JAK3: variants seen among roughly 807,000 people sequenced by gnomAD.
JAK3 encodes Janus kinase 3, also known as tyrosine-protein kinase JAK3.
In JAK3, 88 loss-of-function variants were observed where a neutral mutation model predicts 120.8. That is an observed-to-expected ratio of 0.73 (90% CI 0.61 to 0.87). The LOEUF (loss-of-function observed/expected upper bound fraction) is 0.87. Among genes scored for constraint, JAK3 ranks in the 40% least tolerant of loss-of-function variants. The pLI is 0.00. For missense variants in JAK3, 1,254 were observed against 1,501.4 expected (o/e 0.84, Z 2.72); for synonymous variants, 592 against 628.6 (o/e 0.94, Z 0.87).
intron 1 of JAK3, among the ~76,000 whole-genome samples, chr19:17,846,309 G>T (rs750579759): frequency 6.6e-6 from 1 of 152,086 alleles, no homozygotes; most frequent in African/African-American, 2.4e-5. Flanking sequence ...ATCAACAAAC[G>T]CCTGTTAAAC....
intron 10 of JAK3, 159 bp downstream of exon 10, chr19:17,839,318 T>C (rs1052882900): frequency 1.4e-6 from 1 of 735,768 alleles, no homozygotes; most frequent in East Asian, 2.7e-5. Flanking sequence ...ACCTAAAGGT[T>C]ATATATCTCT....
chr19:17,829,482 G>A (rs959139160), intron 23 of JAK3, among the ~76,000 whole-genome samples: 2 of 151,634 alleles, frequency 1.3e-5, no homozygotes, highest in African/African-American at 2.4e-5. Flanking sequence ...AATTAGCCAG[G>A]CATGGTGATG....
chr19:17,841,554 G>C lies in JAK3; in HGVS notation c.985-8C>G, dbSNP rs1486617564. 2.5e-6 allele frequency: 4 copies of C among 1,598,602 alleles called. No individual in the cohort carries two copies. The highest frequency in any genetic ancestry group is 3.4e-6 in the Non-Finnish European group (4 of 1,172,842). ...CCCTGGGAACTCGGCCTCCTGCGAG[G>C]GACAAGCGTCAGAGCCCAGTGAAAC... On this transcript the variant is annotated splice_region_variant and splice_polypyrimidine_tract_variant and intron_variant, in intron 7 of 23. Coordinates refer to ENST00000458235, the MANE Select transcript of JAK3 (RefSeq NM_000215.4). This position sits in a 1 kb window ranked among gnomAD's most constrained non-coding sequence, Gnocchi z 4.1.
rs767457799 is a variant in JAK3, at chr19:17,843,781, T to C, written c.304A>G (p.Ile102Val). The change falls in exon 3 of 24, where the codon ATT becomes GTT. Residue 102 changes from isoleucine (I) to valine (V), a missense_variant. Transcript: ENST00000458235. This position sits in a 1 kb window ranked among gnomAD's most constrained non-coding sequence, Gnocchi z 5.4. ...GGGCTGGGGGGCACTTCCTACCGAATCCTGTACAGCAGGACTTGGGTGCTG... is the reference window on the plus strand; with the variant it reads ...GGGCTGGGGGGCACTTCCTACCGAACCCTGTACAGCAGGACTTGGGTGCTG... ...DASTQVLLYR[I>V]RFYFPNWFGL... The C allele has an allele frequency of 1.2e-6, 2 of 1,613,126 alleles. No individual in the cohort carries two copies. Among genetic ancestry groups the C allele is most frequent in the South Asian group, 2.2e-5 (2 of 91,050 alleles).
chr19:17,840,455 C>CT, intron 8 of JAK3, 114 bp from the exon 9 acceptor site: 1 of 730,824 alleles, frequency 1.4e-6, no homozygotes, highest in Non-Finnish European at 2.4e-6. Context: ...AGGTGACACC[C>CT]TCCCCCCATT....
intron 17 of JAK3, 130 bp downstream of exon 17, chr19:17,834,441 G>T (rs2094220059): frequency 2.2e-6 from 2 of 899,342 alleles, no homozygotes; most frequent in Admixed American, 3.9e-5. Flanking sequence ...AGCTCACACT[G>T]ACTGTCACAG....
chr19:17,844,904 C>T (rs2094248745), intron 1 of JAK3, among the ~76,000 whole-genome samples: 1 of 152,088 alleles, frequency 6.6e-6, no homozygotes, highest in Non-Finnish European at 1.5e-5. Flanking sequence ...ACACCTCCCA[C>T]CCGCTCGCTC....
At chr19:17,840,758 G>A (rs937899133) in intron 8 of JAK3, among the ~76,000 whole-genome samples, 3 of 149,018 alleles carry the variant, frequency 2.0e-5, no homozygotes, top group Non-Finnish European at 2.9e-5. Flanking sequence ...GCCAGACTCC[G>A]TCTCAAAAAA....
chr19:17,829,095 A>C (rs952492302), intron 23 of JAK3, among the ~76,000 whole-genome samples: 8 of 152,198 alleles, frequency 5.3e-5, no homozygotes, highest in African/African-American at 1.9e-4. Context: ...GGAGTTCAAG[A>C]CCAGCCTGGG....
At chr19:17,845,170 T>C (rs2038677329) in intron 1 of JAK3, among the ~76,000 whole-genome samples, 1 of 152,082 alleles carries the variant, frequency 6.6e-6, no homozygotes, top group African/African-American at 2.4e-5. Flanking sequence ...GTTTGTTTTA[T>C]GTTTTTTGCT....
At chr19:17,838,176 G>A in intron 11 of JAK3, 87 bp downstream of exon 11, 8 of 1,612,174 alleles carry the variant, frequency 5.0e-6, no homozygotes, top group Non-Finnish European at 6.8e-6. Flanking sequence ...CCGAGGCAAG[G>A]TAAAATTATA....
rs1334904510 is a variant in JAK3, at chr19:17,831,602, C to T, written c.2805+72G>A. On this transcript the variant is annotated intron_variant, in intron 20 of 23. Coordinates refer to ENST00000458235, the MANE Select transcript of JAK3 (RefSeq NM_000215.4). The surrounding 1 kb of genome is among the most constrained non-coding windows in gnomAD (Gnocchi z 5.1). ...CCAAACCACTCCTCAGCCTTCACCG[C>T]GACCTCCAAGCAGACCCCTGCCCAG... 3.2e-6 allele frequency: 5 copies of T among 1,554,970 alleles called. No individual in the cohort carries two copies. Among genetic ancestry groups the T allele is most frequent in the Non-Finnish European group, 4.3e-6 (5 of 1,151,996 alleles).
In JAK3 at chr19:17,838,281, A is replaced by T. The variant is rs143936463; in HGVS notation, c.1551T>A (p.Pro517=). The T allele has an allele frequency of 1.0e-3, 1,694 of 1,614,120 alleles. 4 individuals are homozygous for T. Among genetic ancestry groups the T allele is most frequent in the Non-Finnish European group, 1.2e-3 (1,465 of 1,180,022 alleles). Residue 517 remains proline (P), a synonymous_variant, in exon 11 of 24, where the codon CCT becomes CCA. Transcript: ENST00000458235. ...CTCTTACCCACTCCAGGCTGTCAGC[A>T]GGGATCTTGTGAAATGTCATCTGAC... ...QLSQMTFHKI[P]ADSLEWHENL...
Position 17,842,534 on chromosome 19 carries a change from T to C in JAK3, c.643A>G (p.Arg215Gly). The C allele has an allele frequency of 6.3e-7, 1 of 1,590,624 alleles. No homozygotes were observed. The highest frequency in any genetic ancestry group is 1.3e-5 in the African/African-American group (1 of 74,620). The change falls in exon 6 of 24, where the codon AGG (arginine) becomes GGG (glycine). Residue 215 changes from arginine (R) to glycine (G), a missense_variant. Physicochemically the swap from Arg to Gly is moderately radical, Grantham distance 125. Transcript: ENST00000458235. The surrounding 1 kb of genome is among the most constrained non-coding windows in gnomAD (Gnocchi z 6.4). The stretch of plus-strand genomic sequence containing the variant: ...CGGCGCAGGGCTCTGCGCACCGTCC[T>C]CCGAATACGCCTCCGCGTCACGAAG... ...LSFVTRRRIR[R>G]TVRRALRRVA...
In JAK3 at chr19:17,842,663, G is replaced by A. The variant is rs886806292; in HGVS notation, c.567-53C>T. On this transcript the variant is annotated intron_variant, in intron 5 of 23. Transcript: ENST00000458235. This position sits in a 1 kb window ranked among gnomAD's most constrained non-coding sequence, Gnocchi z 6.4. ...GCCCTCAGCGTCGGGAGGGGTCCCC[G>A]CGGGGACACACACAAACCCAGGCTT... 2.0e-6 allele frequency: 3 copies of A among 1,478,948 alleles called. No homozygotes were observed. The highest frequency in any genetic ancestry group is 2.3e-5 in the Admixed American group (1 of 43,886). 91.6% of individuals were successfully genotyped at this position (1,478,948 alleles called of 1,614,324 possible).
chr19:17,831,155 G>GGGCGGGGGCATGGCTGGGGGC lies in JAK3; in HGVS notation c.2978+52_2978+72dup. 6.6e-7 allele frequency: 1 copy of GGGCGGGGGCATGGCTGGGGGC among 1,513,040 alleles called. No individual in the cohort carries two copies. The highest frequency in any genetic ancestry group is 9.0e-7 in the Non-Finnish European group (1 of 1,109,898). 93.7% of individuals were successfully genotyped at this position (1,513,040 alleles called of 1,614,324 possible). A position where few individuals can be genotyped will look rare whatever the true frequency, so the allele number is the denominator to read the frequency against. ...GGCTGGGGAGCAAAGCAGCGGGAGG[G>GGGCGGGGGCATGGCTGGGGGC]GGCGGGGGCATGGCTGGGGGCGGAG... On this transcript the variant is annotated intron_variant, in intron 21 of 23. Transcript: ENST00000458235. This position sits in a 1 kb window ranked among gnomAD's most constrained non-coding sequence, Gnocchi z 5.1.
Position 17,841,828 on chromosome 19 carries a change from C to G in JAK3, c.862-66G>C. 1 of 1,592,346 alleles carries G rather than the reference C, an allele frequency of 6.3e-7. No individual in the cohort carries two copies. Among genetic ancestry groups the G allele is most frequent in the Non-Finnish European group, 8.5e-7 (1 of 1,176,894 alleles). On this transcript the variant is annotated intron_variant, in intron 6 of 23. Transcript: ENST00000458235. The surrounding 1 kb of genome is among the most constrained non-coding windows in gnomAD (Gnocchi z 4.1). ...ACCCCGCCAAACCACGCCCATGAAC[C>G]CACCCCCAAGCCACACCATCCACTC...
chr19:17,838,121 C>T (rs868019837), intron 11 of JAK3, 58 bp from the exon 12 acceptor site: 4 of 1,613,460 alleles, frequency 2.5e-6, no homozygotes, highest in Non-Finnish European at 3.4e-6. Context: ...AGGATCCCAG[C>T]CCAAGCGAGA....
In JAK3 at chr19:17,838,051, C is replaced by T. The variant is rs1189555342; in HGVS notation, c.1582G>A (p.Gly528Ser). The T allele has an allele frequency of 1.2e-6, 2 of 1,614,148 alleles. No homozygotes were observed. The highest frequency in any genetic ancestry group is 2.2e-5 in the East Asian group (1 of 44,882). ...TAAATCTTGGTGAAGGACCCATGGCCCAGGTTCTCATGCTGAATGGTGAGG... is the reference window on the plus strand; with the variant it reads ...TAAATCTTGGTGAAGGACCCATGGCTCAGGTTCTCATGCTGAATGGTGAGG... ...ADSLEWHENL[G>S]HGSFTKIYRG... Residue 528 changes from glycine (G) to serine (S), a missense_variant, in exon 12 of 24, where the codon GGC becomes AGC. Physicochemically the swap from Gly to Ser is moderately conservative, Grantham distance 56. Around this residue, in one of 3 missense-constraint regions of JAK3, gnomAD observed 630 missense variants for 819.8 expected, o/e 0.77. Transcript: ENST00000458235.
Sources: gnomAD v4.1 joint callset for allele counts (sites outside exome capture counted in the v4.1 genomes callset) on GRCh38, gnomAD v4.1.1 for gene constraint, gnomAD v4.1.1 regional missense constraint, Gnocchi (gnomAD v3.1) non-coding constraint, MANE v1.5 for transcripts, NCBI Gene and HGNC (gene_info 2026-07-23, HGNC 2026-07-21) for gene names.